DLC1: variants seen among roughly 807,000 people sequenced by gnomAD.
The protein encoded by DLC1 is rho GTPase-activating protein 7.
Under a neutral mutation model 140.3 loss-of-function variants are expected in DLC1, and 54 were observed. The ratio of observed to expected loss-of-function variants is 0.38; its 90% CI spans 0.31 to 0.48. DLC1 has a LOEUF of 0.48. DLC1 is among the 20% of genes least tolerant of loss of function. The probability of loss-of-function intolerance (pLI) is 0.96; values close to 1 mark genes in which losing one functional copy is unlikely to be tolerated. For synonymous variants in DLC1, 986 were observed against 728.1 expected, an observed-to-expected ratio of 1.35 and a Z score of -5.70; for missense variants, 2,536 against 1,907.0, an observed-to-expected ratio of 1.33 and a Z score of -6.14.
At chr8:13,433,877 T>C (rs1397209446) in intron 2 of DLC1, among the ~76,000 whole-genome samples, 1 of 152,324 alleles carries the variant, frequency 6.6e-6, no homozygotes, top group East Asian at 1.9e-4. Context: ...TTTCTTGAGA[T>C]GGAGTTTCAC....
chr8:13,329,856 T>C (rs1671378), intron 4 of DLC1, among the ~76,000 whole-genome samples: 23,155 of 150,934 alleles, frequency 0.15, 2,540 homozygotes, highest in East Asian at 0.42. Flanking sequence ...GTAATGGTTA[T>C]TGATTGATAT....
rs370436863 is a variant in DLC1 at position 13,503,076 on chromosome 8, G to A, written c.-125-2880C>T. Among the ~76,000 whole-genome samples, 389 of 152,222 alleles carry A rather than the reference G, an allele frequency of 2.6e-3. 11 individuals are homozygous for A. In the South Asian group the frequency reaches 0.065, roughly 26 times the overall value. On this transcript the variant is annotated intron_variant, in intron 1 of 17. Transcript: ENST00000276297. ...TTTGTAACACTTACCATGCCTTAAC[G>A]TAAGAGTTTTATAGCATACAATATA...
At chr8:13,092,564 G>C in intron 13 of DLC1, 48 bp downstream of exon 13, 1 of 1,576,806 alleles carries the variant, frequency 6.3e-7, no homozygotes, top group Non-Finnish European at 8.6e-7. Flanking sequence ...GTCCTAGGAA[G>C]AATGTAGGCT....
chr8:13,553,380 C>T (rs1341244333), intron 1 of DLC1, among the ~76,000 whole-genome samples: 3 of 151,190 alleles, frequency 2.0e-5, no homozygotes, highest in Admixed American at 6.6e-5. Flanking sequence ...ATTTTTCATC[C>T]TGTTTCATCT....
At chr8:13,450,022 A>T (rs1798966933) in intron 2 of DLC1, among the ~76,000 whole-genome samples, 1 of 152,122 alleles carries the variant, frequency 6.6e-6, no homozygotes, top group South Asian at 2.1e-4. Context: ...CAGTTATAGT[A>T]TGCACCATTA....
chr8:13,245,300 G>T (rs891537646), intron 5 of DLC1, among the ~76,000 whole-genome samples: 1 of 152,146 alleles, frequency 6.6e-6, no homozygotes, highest in Non-Finnish European at 1.5e-5. Flanking sequence ...GCCTCTAGCT[G>T]TCTTGCAACC....
Position 13,088,495 on chromosome 8 carries a change from A to T in DLC1, c.4284T>A (p.Val1428=), listed in dbSNP as rs757325114. The change falls in exon 16 of 18, where the codon GTT becomes GTA. Residue 1428 remains valine (V), a synonymous_variant. Transcript: ENST00000276297. ...AACTGGGAAGCGCTCACCTTAAAACAACGTAGTCTCGAGCAGGATGAGGTG... is the reference window on the plus strand; with the variant it reads ...AACTGGGAAGCGCTCACCTTAAAACTACGTAGTCTCGAGCAGGATGAGGTG... ...SMAPHPARDY[V]VLRTWRTNLP... 1.2e-6 allele frequency: 2 copies of T among 1,614,222 alleles called. No homozygotes were observed. Among genetic ancestry groups the T allele is most frequent in the Non-Finnish European group, 1.7e-6 (2 of 1,180,036 alleles).
Position 13,110,719 on chromosome 8 carries a change from A to T in DLC1, c.1502+23T>A, listed in dbSNP as rs2277128. On this transcript the variant is annotated intron_variant, in intron 7 of 17. Coordinates refer to ENST00000276297, the MANE Select transcript of DLC1 (RefSeq NM_182643.3). ...TGTTCTTAAAAAATAAAAAAGGAAA[A>T]CACTCAAAACGTGTCCATTTACCTG... 2.4e-5 allele frequency: 38 copies of T among 1,601,820 alleles called. No individual in the cohort carries two copies. The East Asian group carries it at 8.5e-4, about 36-fold the overall frequency.
chr8:13,581,680 G>T (rs113379923), intron 1 of DLC1, among the ~76,000 whole-genome samples: 360 of 152,234 alleles, frequency 2.4e-3, no homozygotes, highest in Non-Finnish European at 3.9e-3. Flanking sequence ...CATAATGAAG[G>T]TAGGGTAATC....
chr8:13,110,840 C>T lies in DLC1; in HGVS notation c.1421-17G>A, dbSNP rs1480327003. 4.3e-6 allele frequency: 7 copies of T among 1,612,990 alleles called. No homozygotes were observed. Among genetic ancestry groups the T allele is most frequent in the Non-Finnish European group, 5.9e-6 (7 of 1,179,326 alleles). ...ACAGGAAATCTATGAGAAAAATAAA[C>T]AGATGTATTTGTTGAGCGCCTAAAA... is the stretch of plus-strand genomic sequence containing the variant. On this transcript the variant is annotated splice_polypyrimidine_tract_variant and intron_variant, in intron 6 of 17. Transcript: ENST00000276297.
Position 13,287,746 on chromosome 8 carries a change from C to T in DLC1, c.1348+17523G>A, listed in dbSNP as rs555626220. ...ACATCTGGCACCAAGACTAGATCGC[C>T]GATGATGCAAGAATGTCGAAAAGTG... is the stretch of plus-strand genomic sequence containing the variant. On this transcript the variant is annotated intron_variant, in intron 5 of 17. Transcript: ENST00000276297. Among the ~76,000 whole-genome samples, 24 of 151,914 alleles carry T rather than the reference C, an allele frequency of 1.6e-4. No individual in the cohort carries two copies. In the South Asian group the frequency reaches 1.7e-3, roughly 11 times the overall value.
At chr8:13,321,863 C>T (rs78103624) in intron 4 of DLC1, among the ~76,000 whole-genome samples, 2,458 of 152,200 alleles carry the variant, frequency 0.016, 27 homozygotes, top group East Asian at 0.04. Context: ...CTATTTTCTA[C>T]GTGTCTGTTA....
At chr8:13,113,270 C>G (rs1326775906) in intron 6 of DLC1, among the ~76,000 whole-genome samples, 1 of 152,152 alleles carries the variant, frequency 6.6e-6, no homozygotes, top group Non-Finnish European at 1.5e-5. Flanking sequence ...GTACGCAAAT[C>G]AAGCTTAACA....
chr8:13,229,402 A>T (rs1003094948), intron 5 of DLC1, among the ~76,000 whole-genome samples: 3 of 152,160 alleles, frequency 2.0e-5, no homozygotes, highest in Non-Finnish European at 2.9e-5. Context: ...TAGAGGCAGA[A>T]AGAAGATTAG....
chr8:13,515,102 A>G (rs937039759), upstream of DLC1, among the ~76,000 whole-genome samples: 1 of 150,846 alleles, frequency 6.6e-6, no homozygotes, highest in African/African-American at 2.5e-5. Flanking sequence ...TTATGAAAAA[A>G]GAAAGAAAGA....
intron 2 of DLC1, among the ~76,000 whole-genome samples, chr8:13,416,412 T>C (rs1434935160): frequency 6.6e-6 from 1 of 152,176 alleles, no homozygotes; most frequent in African/African-American, 2.4e-5. Context: ...AAAACATGCA[T>C]ATAAAAGATA....
At chr8:13,577,749 T>C (rs902922625) in intron 1 of DLC1, among the ~76,000 whole-genome samples, 6 of 152,170 alleles carry the variant, frequency 3.9e-5, no homozygotes, top group African/African-American at 1.4e-4. Context: ...TATATATGTG[T>C]GTATTTGGTT....
At chr8:13,221,820 TAA>T (rs1194150217) in intron 5 of DLC1, among the ~76,000 whole-genome samples, 1 of 144,542 alleles carries the variant, frequency 6.9e-6, no homozygotes, top group East Asian at 2.0e-4. Flanking sequence ...ACATATATTA[TAA>T]AATACATCAA....
chr8:13,187,861 C>G (rs1196227341), intron 5 of DLC1, among the ~76,000 whole-genome samples: 1 of 152,166 alleles, frequency 6.6e-6, no homozygotes, highest in Non-Finnish European at 1.5e-5. Context: ...CCCCAACCCT[C>G]TAGCACCAGC....
Sources: gnomAD v4.1 joint callset for allele counts (sites outside exome capture counted in the v4.1 genomes callset) on GRCh38, gnomAD v4.1.1 for gene constraint, MANE v1.5 for transcripts, NCBI Gene and HGNC (gene_info 2026-07-23, HGNC 2026-07-21) for gene names.